Variants in CCNH observed in about 807,000 individuals in gnomAD.
CCNH encodes the protein cyclin-H.
In CCNH, 31 loss-of-function variants were observed where a neutral mutation model predicts 41.9. The observed-to-expected ratio is 0.74, with a 90% CI of 0.56 to 1.00. CCNH has a LOEUF of 1.00. Ranked by LOEUF, CCNH falls within the 50% of genes least tolerant of loss-of-function variation. CCNH has a pLI of 0.00. For missense variants in CCNH, 362 were observed against 388.4 expected (o/e 0.93, Z 0.57); for synonymous variants, 138 against 136.1 (o/e 1.01, Z -0.10).
At chr5:87,369,201 T>C (rs1022846473) in intron 9 of CCNH, among the ~76,000 whole-genome samples, 1 of 152,182 alleles carries the variant, frequency 6.6e-6, no homozygotes, top group African/African-American at 2.4e-5. Context: ...GTTGGAAAGA[T>C]AGCACATTTC....
intron 9 of CCNH, chr5:87,366,311 A>G: frequency 5.4e-6 from 2 of 371,506 alleles, no homozygotes; most frequent in Admixed American, 2.9e-5. Context: ...AAGATTGAAG[A>G]AAAGCTTTAG....
At chr5:87,399,630 G>A (rs1763246240) in intron 6 of CCNH, 125 bp from the exon 7 acceptor site, 2 of 670,526 alleles carry the variant, frequency 3.0e-6, no homozygotes, top group Non-Finnish European at 2.7e-6. Flanking sequence ...GTTATTCTCA[G>A]GATTTGCATC....
At position 87,399,508 on chromosome 5, in the gene CCNH, A is replaced by G. The variant is rs755242862; in HGVS notation, c.761-3T>C. Reference sequence around the variant, plus strand: ...CTTCTTTACTAAGTTTCTCATGCCTATGTGGATACAAAAAAAGAATTTAAA... The same window carrying G: ...CTTCTTTACTAAGTTTCTCATGCCTGTGTGGATACAAAAAAAGAATTTAAA... On this transcript the variant is annotated splice_region_variant and splice_polypyrimidine_tract_variant and intron_variant, in intron 6 of 8. Transcript: ENST00000256897. 8.2e-6 allele frequency: 13 copies of G among 1,586,396 alleles called. No individual in the cohort carries two copies. Among genetic ancestry groups the G allele is most frequent in the Non-Finnish European group, 1.1e-5 (13 of 1,155,108 alleles).
In CCNH at chr5:87,356,959, G is replaced by T. The variant is rs951328859; in HGVS notation, c.*90+35811C>A. On this transcript the variant is annotated intron_variant and NMD_transcript_variant, in intron 9 of 9. Coordinates refer to the CCNH transcript ENST00000645953. ...TTGCATTGTTTTTTCCCAGTGCTTA[G>T]AACAGTACCTGACATTAGATATTCA... Among the ~76,000 whole-genome samples the T allele has an allele frequency of 2.6e-5, 4 of 152,050 alleles. No homozygotes were observed. The East Asian group carries it at 7.7e-4, about 29-fold the overall frequency.
intron 9 of CCNH, among the ~76,000 whole-genome samples, chr5:87,368,668 T>C (rs1424204608): frequency 1.3e-5 from 2 of 152,202 alleles, no homozygotes; most frequent in African/African-American, 4.8e-5. Context: ...AATTCATTCT[T>C]TTTTCTCCTA....
At chr5:87,316,039 A>G (rs767834384), downstream of CCNH, among the ~76,000 whole-genome samples, 4 of 152,234 alleles carry the variant, frequency 2.6e-5, no homozygotes, top group Non-Finnish European at 5.9e-5. Context: ...CTGTATACCA[A>G]ATAATACATT....
chr5:87,404,911 TG>T lies in CCNH; in HGVS notation c.621del (p.Tyr207Ter). On this transcript the variant is annotated frameshift_variant, in exon 5 of 9. Coordinates refer to ENST00000256897, the MANE Select transcript of CCNH (RefSeq NM_001239.4). LOFTEE classifies it high-confidence loss of function. The stretch of plus-strand genomic sequence containing the variant: ...GCAGTCAGGGCAATTTGGGAAGGTG[TG>T]TATAAAAGGTAAGCATCCGTCAATG... ...RIALTDAYLL[Y>X]TPSQIALTAI... is the part of the protein sequence containing the mutation. The T allele has an allele frequency of 6.2e-7, 1 of 1,613,404 alleles. No individual in the cohort carries two copies. Among genetic ancestry groups the T allele is most frequent in the Non-Finnish European group, 8.5e-7 (1 of 1,179,534 alleles).
rs1187621828 is a variant in CCNH at position 87,331,414 on chromosome 5, C to T, written c.*91-12517G>A. ...GCCTCAGGCAGGCAGGGAAGTCTGG[C>T]AGTTATCTTATAAGAGAGAGTGATC... On this transcript the variant is annotated intron_variant and NMD_transcript_variant, in intron 9 of 9. Coordinates refer to the CCNH transcript ENST00000645953. 1 of 1,613,498 alleles carries T rather than the reference C, an allele frequency of 6.2e-7. No homozygotes were observed. Among genetic ancestry groups the T allele is most frequent in the Admixed American group, 1.7e-5 (1 of 59,996 alleles).
intron 1 of CCNH, chr5:87,412,446 C>CTGGT: frequency 1.4e-6 from 2 of 1,386,462 alleles, no homozygotes; most frequent in Non-Finnish European, 1.9e-6. Flanking sequence ...CTCTTCTTCA[C>CTGGT]TACGTTACAA....
chr5:87,353,397 T>C (rs1759425604), intron 9 of CCNH, among the ~76,000 whole-genome samples: 1 of 152,096 alleles, frequency 6.6e-6, no homozygotes, highest in Non-Finnish European at 1.5e-5. Flanking sequence ...CTTTTAGTTT[T>C]TATCTATGTT....
chr5:87,402,911 T>C (rs1580452451), intron 5 of CCNH, among the ~76,000 whole-genome samples: 1 of 152,172 alleles, frequency 6.6e-6, no homozygotes, highest in East Asian at 1.9e-4. Flanking sequence ...CTCTGTGAAG[T>C]TAGCAACTCT....
At chr5:87,407,017 C>T (rs1763844329) in intron 4 of CCNH, among the ~76,000 whole-genome samples, 1 of 152,084 alleles carries the variant, frequency 6.6e-6, no homozygotes, top group Non-Finnish European at 1.5e-5. Context: ...GCCTTCCACT[C>T]TGGCAGCAGC....
chr5:87,376,546 A>AAT, exon 1 of CCNH: 1 of 1,613,986 alleles, frequency 6.2e-7, no homozygotes, highest in Non-Finnish European at 8.5e-7. Flanking sequence ...CCAGAAGAAG[A>AAT]GTACAGTGAA....
intron 5 of CCNH, among the ~76,000 whole-genome samples, chr5:87,404,310 AT>A (rs998417018): frequency 6.6e-6 from 1 of 152,214 alleles, no homozygotes; most frequent in African/African-American, 2.4e-5. Flanking sequence ...ATAAGGGATT[AT>A]AATCATGTAA....
In CCNH at chr5:87,330,900, A is replaced by G. The variant is rs79057678; in HGVS notation, c.*91-12003T>C. The G allele has an allele frequency of 8.7e-3, 11,218 of 1,292,110 alleles. 62 individuals carry two copies. The highest frequency in any genetic ancestry group is 9.9e-3 in the Non-Finnish European group (9,768 of 990,870). 80.0% of individuals were successfully genotyped at this position (1,292,110 alleles called of 1,614,324 possible). A position where few individuals can be genotyped will look rare whatever the true frequency, so the allele number is the denominator to read the frequency against. ...TTCTGTTTTCCTGTCGCAGGGCACA[A>G]ACACTAAAATGGAATAAAACATTTT... is the stretch of plus-strand genomic sequence containing the variant. On this transcript the variant is annotated intron_variant and NMD_transcript_variant, in intron 9 of 9. Transcript: ENST00000645953.
chr5:87,375,405 C>T (rs990205702), downstream of CCNH, among the ~76,000 whole-genome samples: 4 of 151,946 alleles, frequency 2.6e-5, no homozygotes, highest in South Asian at 6.2e-4. Context: ...GGACTACAGG[C>T]GCCCGCCACC....
chr5:87,410,453 AT>A (rs3840120), intron 2 of CCNH, among the ~76,000 whole-genome samples: 5,278 of 151,502 alleles, frequency 0.035, 172 homozygotes, highest in African/African-American at 0.075. Context: ...ACATACTTCA[AT>A]TTTTTTTTCA....
chr5:87,389,159 A>G, downstream of CCNH: 1 of 418,458 alleles, frequency 2.4e-6, no homozygotes, highest in South Asian at 2.2e-5. Flanking sequence ...CTACAGAGAA[A>G]GATTTGTATT....
chr5:87,358,089 G>T (rs1263569714), intron 9 of CCNH, among the ~76,000 whole-genome samples: 1 of 152,114 alleles, frequency 6.6e-6, no homozygotes, highest in Non-Finnish European at 1.5e-5. Context: ...TCGCCAAATT[G>T]ATTAGTTAGC....
Sources: gnomAD v4.1 joint callset for allele counts (sites outside exome capture counted in the v4.1 genomes callset) on GRCh38, gnomAD v4.1.1 for gene constraint, MANE v1.5 for transcripts, NCBI Gene and HGNC (gene_info 2026-07-23, HGNC 2026-07-21) for gene names.